MGA: variants seen among roughly 807,000 people sequenced by gnomAD.
The protein encoded by MGA is MAX gene-associated protein.
A neutral mutation model predicts 261.1 loss-of-function variants in MGA; 40 were observed. The observed-to-expected ratio is 0.15, with a 90% CI of 0.12 to 0.20. The LOEUF (loss-of-function observed/expected upper bound fraction) is 0.20, where lower values mean the gene tolerates loss of function less well. Ranked by LOEUF, MGA falls within the 10% of genes least tolerant of loss-of-function variation. The pLI is 1.00. For synonymous variants in MGA, 1,302 were observed against 1,290.6 expected (o/e 1.01, Z -0.19); for missense variants, 3,397 against 3,630.5 (o/e 0.94, Z 1.65).
chr15:41,709,467 C>T (rs757090410), intron 7 of MGA, among the ~76,000 whole-genome samples: 18 of 152,068 alleles, frequency 1.2e-4, no homozygotes, highest in Non-Finnish European at 2.4e-4. Context: ...TTTTTAAAGA[C>T]GGGGTCTTGC....
In MGA at chr15:41,727,376, A is replaced by G. The variant is rs1474154061; in HGVS notation, c.3627A>G (p.Pro1209=). ...AACTGCTCACTGGAATTAAATCTCC[A>G]CGGTCATATACTCCCAAACCCAATC... Residue 1209 remains proline, a synonymous_variant, in exon 10 of 24, where the codon CCA becomes CCG. Coordinates refer to ENST00000219905, the MANE Select transcript of MGA (RefSeq NM_001164273.2). 6.2e-7 allele frequency: 1 copy of G among 1,613,820 alleles called. No individual in the cohort carries two copies. The highest frequency in any genetic ancestry group is 8.5e-7 in the Non-Finnish European group (1 of 1,179,756).
chr15:41,690,772 G>T (rs188440229), intron 2 of MGA, among the ~76,000 whole-genome samples: 1 of 152,034 alleles, frequency 6.6e-6, no homozygotes, highest in Admixed American at 6.6e-5. Context: ...CCAGCTACTC[G>T]AGAGGCTAAA....
chr15:41,690,984 A>C (rs1315325800), intron 2 of MGA, among the ~76,000 whole-genome samples: 2 of 147,570 alleles, frequency 1.4e-5, no homozygotes, highest in Non-Finnish European at 3.0e-5. Flanking sequence ...CTAATTTTCA[A>C]GATTGCTTTG....
At chr15:41,733,693 G>C (rs2061627826) in intron 11 of MGA, among the ~76,000 whole-genome samples, 1 of 152,176 alleles carries the variant, frequency 6.6e-6, no homozygotes, top group Non-Finnish European at 1.5e-5. Flanking sequence ...ACAAAGATAT[G>C]TGCATGTATG....
chr15:41,741,346 CAAA>C (rs11389766), intron 14 of MGA, among the ~76,000 whole-genome samples: 5 of 72,328 alleles, frequency 6.9e-5, no homozygotes, highest in East Asian at 3.7e-4. Flanking sequence ...ACTCCATCTC[CAAA>C]AAAAAAAAAA....
intron 14 of MGA, 50 bp downstream of exon 14, chr15:41,740,253 G>A (rs1181383710): frequency 6.3e-7 from 1 of 1,576,738 alleles, no homozygotes; most frequent in Middle Eastern, 1.9e-4. Context: ...CTTGGTGGTG[G>A]GACAGTGGGT....
chr15:41,657,912 G>C (rs1299285764), upstream of MGA, among the ~76,000 whole-genome samples: 4 of 152,160 alleles, frequency 2.6e-5, no homozygotes, highest in Non-Finnish European at 5.9e-5. Flanking sequence ...GTTTGTCTTG[G>C]TGGATTCTGT....
intron 19 of MGA, chr15:41,760,068 C>T (rs2063367160): frequency 4.6e-6 from 2 of 430,708 alleles, no homozygotes; most frequent in African/African-American, 3.9e-5. Context: ...ATTTCTTCCT[C>T]ATTTGAAAAT....
chr15:41,764,168 TA>T (rs559657452), intron 22 of MGA, among the ~76,000 whole-genome samples: 4,028 of 144,536 alleles, frequency 0.028, 128 homozygotes, highest in South Asian at 0.073. Flanking sequence ...CAAAAAAAAT[TA>T]AAAAAAAAAA....
intron 3 of MGA, 70 bp from the exon 4 acceptor site, chr15:41,698,793 T>TA: frequency 3.3e-6 from 4 of 1,230,500 alleles, no homozygotes; most frequent in African/African-American, 3.1e-5. Flanking sequence ...AAGTTTTTTT[T>TA]AATCCTGTTT....
chr15:41,679,222 A>T (rs2058540377), intron 2 of MGA, among the ~76,000 whole-genome samples: 2 of 152,006 alleles, frequency 1.3e-5, no homozygotes, highest in African/African-American at 4.8e-5. Context: ...TTTTTAGTGG[A>T]GATGGGGTTT....
rs747252982 is a variant in MGA at position 41,749,422 on chromosome 15, C to G, written c.5815C>G (p.Leu1939Val). ...TGTTGGTACAGCCAGTCTTATTCCT[C>G]TCCAGTCTGGTAGTTTTGCCTTGTT... Residue 1939 changes from leucine to valine, a missense_variant, in exon 17 of 24, where the codon CTC becomes GTC. Coordinates refer to ENST00000219905, the MANE Select transcript of MGA (RefSeq NM_001164273.2). 2 of 1,614,032 alleles carry G rather than the reference C, an allele frequency of 1.2e-6. No homozygotes were observed. The highest frequency in any genetic ancestry group is 1.1e-5 in the South Asian group (1 of 91,080).
chr15:41,697,817 C>G lies in MGA; in HGVS notation c.2013+794C>G, dbSNP rs192010393. Among the ~76,000 whole-genome samples the G allele has an allele frequency of 5.3e-5, 8 of 152,270 alleles. No homozygotes were observed. In the East Asian group the frequency reaches 1.5e-3, roughly 29 times the overall value. ...CATTGAAGTCTCTGTTTATTCCACT[C>G]TGACTCTTCAACCAGATTATTTTTC... On this transcript the variant is annotated intron_variant, in intron 3 of 23. Transcript: ENST00000219905.
In MGA at chr15:41,766,832, C is replaced by T. The variant is rs537089133; in HGVS notation, c.8750C>T (p.Ala2917Val). ...TTTTCTGAGAATGAAAAACAACTTG[C>T]AGAACCAGCCTCTGAGCCAGATGTC... Residue 2917 changes from alanine (A) to valine (V), a missense_variant, in exon 24 of 24, where the codon GCA becomes GTA. Ala to Val is a moderately conservative substitution (Grantham distance 64, BLOSUM62 0). Around this residue, in one of 9 missense-constraint regions of MGA, gnomAD observed 647 missense variants for 642.4 expected, o/e 1.01. Coordinates refer to ENST00000219905, the MANE Select transcript of MGA (RefSeq NM_001164273.2). 1 of 1,614,004 alleles carries T rather than the reference C, an allele frequency of 6.2e-7. No individual in the cohort carries two copies. The highest frequency in any genetic ancestry group is 1.3e-5 in the African/African-American group (1 of 75,038).
chr15:41,689,386 C>T (rs1002211417), intron 2 of MGA, among the ~76,000 whole-genome samples: 2 of 149,748 alleles, frequency 1.3e-5, no homozygotes, highest in African/African-American at 2.5e-5. Context: ...CTCCTTCTCT[C>T]CTTTTCTTTC....
At chr15:41,734,483 T>A in intron 11 of MGA, 39 bp from the exon 12 acceptor site, 1 of 1,492,452 alleles carries the variant, frequency 6.7e-7, no homozygotes, top group Non-Finnish European at 9.2e-7. Flanking sequence ...ATTGAATATA[T>A]GTTAAGTTAA....
At chr15:41,699,890 G>A (rs948984380) in intron 5 of MGA, among the ~76,000 whole-genome samples, 2 of 151,704 alleles carry the variant, frequency 1.3e-5, no homozygotes, top group Non-Finnish European at 1.5e-5. Flanking sequence ...TTATATATTT[G>A]ATGTACCACT....
chr15:41,635,374 G>A (rs772035025), intron 1 of MGA, among the ~76,000 whole-genome samples: 9 of 149,818 alleles, frequency 6.0e-5, no homozygotes, highest in African/African-American at 1.5e-4. Context: ...ATTAAAGTGC[G>A]GAGATGAGAC....
At position 41,668,832 on chromosome 15, in the gene MGA, G is replaced by C; in HGVS notation, c.-63G>C. ...TTTTTTTTGCTTGTTTCTTAGGATG[G>C]GAAGGCCATTGTGACTATGTGGTGA... is the stretch of plus-strand genomic sequence containing the variant. On this transcript the variant is annotated 5_prime_UTR_variant, in exon 2 of 24. Transcript: ENST00000219905. The C allele has an allele frequency of 8.2e-7, 1 of 1,224,382 alleles. No homozygotes were observed. The highest frequency in any genetic ancestry group is 1.1e-6 in the Non-Finnish European group (1 of 906,270). The allele number at this position is 1,224,382 out of a possible 1,614,324, so 75.8% of individuals were successfully genotyped here.
Sources: gnomAD v4.1 joint callset for allele counts (sites outside exome capture counted in the v4.1 genomes callset) on GRCh38, gnomAD v4.1.1 for gene constraint, gnomAD v4.1.1 regional missense constraint, MANE v1.5 for transcripts, NCBI Gene and HGNC (gene_info 2026-07-23, HGNC 2026-07-21) for gene names.